The following CDH4 variants were observed in gnomAD, a reference collection of about 807,000 sequenced individuals.
CDH4 encodes the protein cadherin 4.
Under a neutral mutation model 86.0 loss-of-function variants are expected in CDH4, and 33 were observed. The observed-to-expected ratio is 0.38, with a 90% CI of 0.29 to 0.51. The LOEUF (loss-of-function observed/expected upper bound fraction) is 0.51, where lower values mean the gene tolerates loss of function less well. Ranked by LOEUF, CDH4 falls within the 20% of genes least tolerant of loss-of-function variation. CDH4 has a pLI of 0.86. For synonymous variants in CDH4, 555 were observed against 549.4 expected (o/e 1.01, Z -0.14); for missense variants, 1,114 against 1,307.4 (o/e 0.85, Z 2.28).
intron 2 of CDH4, among the ~76,000 whole-genome samples, chr20:61,706,713 G>T (rs2087834456): frequency 6.6e-6 from 1 of 152,156 alleles, no homozygotes; most frequent in Non-Finnish European, 1.5e-5. Flanking sequence ...CACCTTGGCT[G>T]AATTCTCCCG....
rs2084171599 is a variant in CDH4 at position 61,269,204 on chromosome 20, C to T, written c.169+14267C>T. On this transcript the variant is annotated intron_variant, in intron 2 of 15. Transcript: ENST00000614565. The surrounding 1 kb of genome is among the most constrained non-coding windows in gnomAD (Gnocchi z 5.3). ...CCTAGGCAGGAGGCATGTTACTAACCCTCCTTTCACAGAGTTGGGGTGCTG... is the reference window on the plus strand; with the variant it reads ...CCTAGGCAGGAGGCATGTTACTAACTCTCCTTTCACAGAGTTGGGGTGCTG... Among the ~76,000 whole-genome samples, 2 of 152,142 alleles carry T rather than the reference C, an allele frequency of 1.3e-5. No homozygotes were observed. The highest frequency in any genetic ancestry group is 2.9e-5 in the Non-Finnish European group (2 of 68,012).
intron 2 of CDH4, among the ~76,000 whole-genome samples, chr20:61,311,734 C>T (rs1403015317): frequency 3.3e-5 from 5 of 152,190 alleles, no homozygotes; most frequent in South Asian, 2.1e-4. Context: ...AAAAAATTGA[C>T]GAACTATCTC....
chr20:61,831,526 A>C (rs1600695658), intron 4 of CDH4, among the ~76,000 whole-genome samples: 1 of 152,186 alleles, frequency 6.6e-6, no homozygotes, highest in Non-Finnish European at 1.5e-5. Flanking sequence ...CTACTCCCTG[A>C]CCTTCCATTA....
chr20:61,655,204 G>T (rs184083509), intron 2 of CDH4, among the ~76,000 whole-genome samples: 5 of 152,200 alleles, frequency 3.3e-5, no homozygotes, highest in African/African-American at 1.2e-4. Context: ...ATGGGAAAAC[G>T]GCTGGACACA....
At chr20:61,918,775 T>A (rs964191788) in intron 9 of CDH4, among the ~76,000 whole-genome samples, 5 of 152,152 alleles carry the variant, frequency 3.3e-5, no homozygotes, top group Non-Finnish European at 7.4e-5. Context: ...AGAACTGTGA[T>A]CTCTGCCACT....
Position 61,574,033 on chromosome 20 carries a change from G to A in CDH4, c.170-169530G>A, listed in dbSNP as rs1302533864. ...GGCCCCAGAAGCCCCACGGGCCTGC[G>A]AGTGGACCTTCTGGCCAGCGAGGAC... On this transcript the variant is annotated intron_variant, in intron 2 of 15. Coordinates refer to ENST00000614565, the MANE Select transcript of CDH4 (RefSeq NM_001794.5). 2.0e-5 allele frequency among the ~76,000 whole-genome samples: 3 copies of A among 152,164 alleles called. No homozygotes were observed. In the South Asian group the frequency reaches 6.2e-4, roughly 32 times the overall value.
intron 3 of CDH4, among the ~76,000 whole-genome samples, chr20:61,749,413 T>C (rs985606849): frequency 3.3e-5 from 5 of 152,200 alleles, no homozygotes; most frequent in Admixed American, 6.5e-5. Flanking sequence ...TAAATACACA[T>C]GATTTTTAAG....
At chr20:61,440,878 G>A (rs751038120) in intron 2 of CDH4, among the ~76,000 whole-genome samples, 2 of 152,194 alleles carry the variant, frequency 1.3e-5, no homozygotes, top group Non-Finnish European at 2.9e-5. Flanking sequence ...CTGCCCTCGC[G>A]GTGGTAAGTT....
chr20:61,463,050 G>A (rs866087782), intron 2 of CDH4, among the ~76,000 whole-genome samples: 1 of 152,208 alleles, frequency 6.6e-6, no homozygotes. Context: ...TCTCATGGCA[G>A]TGAATAAGTC....
At chr20:61,719,223 A>G (rs4925275) in intron 2 of CDH4, 111,157 of 418,618 alleles carry the variant, frequency 0.27, 18,278 homozygotes, top group East Asian at 0.62. Flanking sequence ...GTTTTTGTTC[A>G]TTGCTAATAC....
chr20:61,331,033 G>A (rs1023209230), intron 2 of CDH4, among the ~76,000 whole-genome samples: 1 of 152,068 alleles, frequency 6.6e-6, no homozygotes, highest in Non-Finnish European at 1.5e-5. Context: ...ATGATCATTC[G>A]AGATTCTGCA....
intron 2 of CDH4, among the ~76,000 whole-genome samples, chr20:61,415,978 G>GC (rs1487509625): frequency 1.3e-5 from 2 of 151,616 alleles, no homozygotes; most frequent in African/African-American, 4.8e-5. Context: ...AGGATTACAG[G>GC]CGTGAGCCAC....
At chr20:61,717,338 C>A (rs546081075) in intron 2 of CDH4, among the ~76,000 whole-genome samples, 1 of 152,216 alleles carries the variant, frequency 6.6e-6, no homozygotes, top group Non-Finnish European at 1.5e-5. Flanking sequence ...CTGGGCAGGA[C>A]CAGCCACAGA....
chr20:61,850,001 C>T (rs866365197), intron 5 of CDH4, among the ~76,000 whole-genome samples: 13 of 152,312 alleles, frequency 8.5e-5, no homozygotes, highest in African/African-American at 2.9e-4. Context: ...CTGAGGGTGG[C>T]GAGGACGCAT....
At chr20:61,673,855 A>G (rs558795261) in intron 2 of CDH4, among the ~76,000 whole-genome samples, 1 of 152,354 alleles carries the variant, frequency 6.6e-6, no homozygotes, top group East Asian at 1.9e-4. Context: ...ACAATATGAC[A>G]AAATGAGACA....
At chr20:61,454,447 T>C (rs1377363953) in intron 2 of CDH4, among the ~76,000 whole-genome samples, 1 of 151,900 alleles carries the variant, frequency 6.6e-6, no homozygotes, top group Non-Finnish European at 1.5e-5. Context: ...GGAGGGGCAT[T>C]TTTTTCTTTC....
At position 61,264,656 on chromosome 20, in the gene CDH4, C is replaced by A. The variant is rs774443358; in HGVS notation, c.169+9719C>A. ...GTTCCTTCATTCAATCTTACACATA[C>A]CTCAGTGGCTCCTTCATTCAATCTT... On this transcript the variant is annotated intron_variant, in intron 2 of 15. Transcript: ENST00000614565. Among the ~76,000 whole-genome samples, 347 of 146,458 alleles carry A rather than the reference C, an allele frequency of 2.4e-3. 2 individuals are homozygous for A. Among genetic ancestry groups the A allele is most frequent in the Non-Finnish European group, 3.3e-3 (220 of 67,006 alleles).
chr20:61,654,974 C>T (rs1030491248), intron 2 of CDH4, among the ~76,000 whole-genome samples: 3 of 152,122 alleles, frequency 2.0e-5, no homozygotes, highest in Non-Finnish European at 4.4e-5. Flanking sequence ...CATGGAAACG[C>T]GTCTGCGGAG....
chr20:61,629,618 CT>C (rs1474503943), intron 2 of CDH4, among the ~76,000 whole-genome samples: 1 of 152,192 alleles, frequency 6.6e-6, no homozygotes, highest in African/African-American at 2.4e-5. Flanking sequence ...ACAGGGAAAC[CT>C]GTTAGTAATG....
Sources: gnomAD v4.1 joint callset for allele counts (sites outside exome capture counted in the v4.1 genomes callset) on GRCh38, gnomAD v4.1.1 for gene constraint, Gnocchi (gnomAD v3.1) non-coding constraint, MANE v1.5 for transcripts, NCBI Gene and HGNC (gene_info 2026-07-23, HGNC 2026-07-21) for gene names.